Variants in GRIP1 observed in about 807,000 individuals in gnomAD.
GRIP1 encodes the protein glutamate receptor-interacting protein 1.
A neutral mutation model predicts 129.9 loss-of-function variants in GRIP1; 45 were observed. The ratio of observed to expected loss-of-function variants is 0.35; its 90% CI spans 0.27 to 0.44. GRIP1 has a LOEUF of 0.44. Among genes scored for constraint, GRIP1 ranks in the 20% least tolerant of loss-of-function variants. GRIP1 has a pLI of 1.00. For synonymous variants in GRIP1, 530 were observed against 520.8 expected (o/e 1.02, Z -0.24); for missense variants, 1,196 against 1,396.8 (o/e 0.86, Z 2.29).
chr12:66,356,557 T>C (rs1169094472), intron 23 of GRIP1, among the ~76,000 whole-genome samples: 2 of 152,014 alleles, frequency 1.3e-5, no homozygotes, highest in African/African-American at 4.8e-5. Context: ...TTGGTGAAAA[T>C]TTCATACATA....
intron 1 of GRIP1, among the ~76,000 whole-genome samples, chr12:66,944,657 A>C (rs1194258354): frequency 1.3e-5 from 2 of 152,182 alleles, no homozygotes; most frequent in African/African-American, 4.8e-5. Context: ...GGTAACACAT[A>C]AGGTCCGAAA....
Position 66,392,813 on chromosome 12 carries a change from A to C in GRIP1, c.2133T>G (p.Thr711=). The C allele has an allele frequency of 6.2e-7, 1 of 1,613,978 alleles. No homozygotes were observed. Among genetic ancestry groups the C allele is most frequent in the Non-Finnish European group, 8.5e-7 (1 of 1,179,854 alleles). ...SLTKGGLAER[T]GAIHIGDRIL... is the part of the protein sequence containing the mutation. ...TTCGGTCTCCTATGTGGATTGCGCC[A>C]GTTCTGAAAAGCCAAATAGTAATAG... The change falls in exon 18 of 25, where the codon ACT becomes ACG. Residue 711 remains threonine (T), a synonymous_variant. Transcript: ENST00000359742.
chr12:66,462,823 A>AAT, intron 9 of GRIP1, 101 bp downstream of exon 9: 2 of 656,182 alleles, frequency 3.0e-6, no homozygotes, highest in Non-Finnish European at 2.6e-6. Flanking sequence ...AAAAAAAAAA[A>AAT]GGCAGAATGA....
At chr12:66,929,492 G>T in intron 1 of GRIP1, among the ~76,000 whole-genome samples, 1 of 152,166 alleles carries the variant, frequency 6.6e-6, no homozygotes, top group Admixed American at 6.5e-5. Flanking sequence ...GATCATTTCT[G>T]TCTTGCTCAC....
At chr12:66,752,268 G>A (rs1402551165) in intron 1 of GRIP1, among the ~76,000 whole-genome samples, 1 of 152,134 alleles carries the variant, frequency 6.6e-6, no homozygotes, top group African/African-American at 2.4e-5. Context: ...GGGGTGTCAA[G>A]CATTTTTATC....
intron 1 of GRIP1, among the ~76,000 whole-genome samples, chr12:66,933,212 C>T (rs1252161484): frequency 2.4e-4 from 36 of 152,144 alleles, no homozygotes; most frequent in Non-Finnish European, 4.4e-5. Flanking sequence ...CACCACTTTT[C>T]CAAGTTTTAT....
At position 66,758,768 on chromosome 12, in the gene GRIP1, G is replaced by C. The variant is rs1316846493; in HGVS notation, c.-420+45285C>G. Among the ~76,000 whole-genome samples, 50 of 152,256 alleles carry C rather than the reference G, an allele frequency of 3.3e-4. 1 individual carries two copies. The highest frequency in any genetic ancestry group is 7.4e-4 in the Non-Finnish European group (50 of 68,016). Reference sequence around the variant, plus strand: ...GCCCATGCAAGTCCAAAATCCAGCAGGGCAGTCAAATTTTAAAGGTACAAA... The same window carrying C: ...GCCCATGCAAGTCCAAAATCCAGCACGGCAGTCAAATTTTAAAGGTACAAA... On this transcript the variant is annotated intron_variant, in intron 1 of 4. Coordinates refer to the GRIP1 transcript ENST00000538373.
At chr12:67,066,894 A>ATATATATATATATT (rs1565664448) in intron 1 of GRIP1, among the ~76,000 whole-genome samples, 1 of 139,788 alleles carries the variant, frequency 7.2e-6, no homozygotes, top group Non-Finnish European at 1.5e-5. Context: ...ATATTTATAT[A>ATATATATATATATT]TATATATATA....
intron 1 of GRIP1, among the ~76,000 whole-genome samples, chr12:66,997,622 T>C (rs1478043852): frequency 6.6e-6 from 1 of 152,072 alleles, no homozygotes; most frequent in East Asian, 1.9e-4. Flanking sequence ...AGCCAGTCAA[T>C]ATGAAGGTCT....
intron 7 of GRIP1, among the ~76,000 whole-genome samples, chr12:66,499,087 T>C (rs2060317327): frequency 2.0e-5 from 3 of 152,202 alleles, no homozygotes; most frequent in African/African-American, 2.4e-5. Context: ...CAACATTAAG[T>C]GTATGGTGAC....
intron 13 of GRIP1, among the ~76,000 whole-genome samples, chr12:66,440,146 C>A (rs2058430733): frequency 6.6e-6 from 1 of 152,116 alleles, no homozygotes; most frequent in Non-Finnish European, 1.5e-5. Context: ...TTCTCACATC[C>A]TTTTCTTTTC....
chr12:66,672,027 T>C (rs919666233), intron 1 of GRIP1, among the ~76,000 whole-genome samples: 1 of 152,198 alleles, frequency 6.6e-6, no homozygotes, highest in Non-Finnish European at 1.5e-5. Context: ...TGTGTGCTAA[T>C]GTGCACAAAT....
At position 67,069,122 on chromosome 12, in the gene GRIP1, CGCTCGCTGTCGG is replaced by C. The variant is rs1473192564; in HGVS notation, c.-27_-16del. On this transcript the variant is annotated 5_prime_UTR_variant, in exon 1 of 2. Transcript: ENST00000643019. ...CAGCCGGGCATGGTGTCGCTCCCTG[CGCTCGCTGTCGG>C]GCTCGCTCTTTCTCGCTGGCTCTCT... is the stretch of plus-strand genomic sequence containing the variant. The C allele has an allele frequency of 8.2e-5, 81 of 985,308 alleles. No homozygotes were observed. In the East Asian group the frequency reaches 6.2e-3, roughly 76 times the overall value. 61.0% of individuals were successfully genotyped at this position (985,308 alleles called of 1,614,324 possible).
chr12:66,829,893 C>T (rs2039486897), intron 1 of GRIP1, among the ~76,000 whole-genome samples: 1 of 152,132 alleles, frequency 6.6e-6, no homozygotes, highest in Non-Finnish European at 1.5e-5. Flanking sequence ...TGAGGTAGAG[C>T]TCACTGTTTT....
At chr12:66,794,161 C>T (rs1026580914) in intron 1 of GRIP1, among the ~76,000 whole-genome samples, 11 of 152,074 alleles carry the variant, frequency 7.2e-5, no homozygotes, top group Non-Finnish European at 1.6e-4. Flanking sequence ...GGAATAGCAT[C>T]GGAATCATTG....
intron 4 of GRIP1, among the ~76,000 whole-genome samples, chr12:66,536,137 A>G (rs1041570664): frequency 6.6e-6 from 1 of 152,174 alleles, no homozygotes; most frequent in Non-Finnish European, 1.5e-5. Context: ...CCTTCAGAAC[A>G]GATCTGGAAT....
At chr12:66,689,091 C>A (rs2034886473) in intron 1 of GRIP1, among the ~76,000 whole-genome samples, 1 of 152,160 alleles carries the variant, frequency 6.6e-6, no homozygotes, top group South Asian at 2.1e-4. Context: ...CTCAGGCAGG[C>A]TGGCTGGGAA....
intron 1 of GRIP1, among the ~76,000 whole-genome samples, chr12:66,618,856 C>G (rs965485269): frequency 6.6e-6 from 1 of 151,954 alleles, no homozygotes; most frequent in Admixed American, 6.6e-5. Context: ...ATAGTAAAAA[C>G]AAAAAATGAG....
chr12:66,547,019 A>G (rs1201939058), intron 2 of GRIP1, among the ~76,000 whole-genome samples: 1 of 152,184 alleles, frequency 6.6e-6, no homozygotes, highest in Non-Finnish European at 1.5e-5. Flanking sequence ...CCAACAAAAG[A>G]CAAAAGACTA....
Sources: gnomAD v4.1 joint callset for allele counts (sites outside exome capture counted in the v4.1 genomes callset) on GRCh38, gnomAD v4.1.1 for gene constraint, MANE v1.5 for transcripts, NCBI Gene and HGNC (gene_info 2026-07-23, HGNC 2026-07-21) for gene names.